ZNF24: variants seen among roughly 807,000 people sequenced by gnomAD.
ZNF24 encodes the protein zinc finger protein 24.
In ZNF24, 11 loss-of-function variants were observed where a neutral mutation model predicts 40.9. The ratio of observed to expected loss-of-function variants is 0.27; its 90% CI spans 0.17 to 0.45. ZNF24 has a LOEUF of 0.45. Ranked by LOEUF, ZNF24 falls within the 20% of genes least tolerant of loss-of-function variation. ZNF24 has a pLI of 1.00. For synonymous variants in ZNF24, 139 were observed against 154.7 expected, an observed-to-expected ratio of 0.90 and a Z score of 0.75; for missense variants, 293 against 437.7, an observed-to-expected ratio of 0.67 and a Z score of 2.95.
At position 35,340,119 on chromosome 18, in the gene ZNF24, G is replaced by A. The variant is rs181222682; in HGVS notation, c.420+112C>T. The A allele has an allele frequency of 6.7e-7, 1 of 1,496,458 alleles. No individual in the cohort carries two copies. The highest frequency in any genetic ancestry group is 2.3e-5 in the East Asian group (1 of 43,856). 92.7% of individuals were successfully genotyped at this position (1,496,458 alleles called of 1,614,324 possible). A position where few individuals can be genotyped will look rare whatever the true frequency, so the allele number is the denominator to read the frequency against. On this transcript the variant is annotated intron_variant, in intron 2 of 3. Transcript: ENST00000261332. The surrounding 1 kb of genome is among the most constrained non-coding windows in gnomAD (Gnocchi z 4.6). ...GATAACAAGGAGTGGTAGGGGAATG[G>A]GGGAAAAGGCATAAACATAATTCTA...
Position 35,333,671 on chromosome 18 carries a change from C to T in ZNF24, c.*3561G>A, listed in dbSNP as rs1479403529. On this transcript the variant is annotated 3_prime_UTR_variant, in exon 4 of 4. Transcript: ENST00000261332. ...GACTATAGGCAAACAGGCATTCTTACTAATGATGGAGTTGTAAATTGGTGA... is the reference window on the plus strand; with the variant it reads ...GACTATAGGCAAACAGGCATTCTTATTAATGATGGAGTTGTAAATTGGTGA... 1 of 152,114 alleles carries T rather than the reference C, an allele frequency of 6.6e-6. No individual in the cohort carries two copies. Among genetic ancestry groups the T allele is most frequent in the East Asian group, 1.9e-4 (1 of 5,196 alleles). 9.4% of individuals were successfully genotyped at this position (152,114 alleles called of 1,614,324 possible).
intron 3 of ZNF24, 90 bp from the exon 4 acceptor site, chr18:35,337,860 G>T: frequency 9.0e-7 from 1 of 1,117,246 alleles, no homozygotes; most frequent in Non-Finnish European, 1.2e-6. Flanking sequence ...AACTAAAATA[G>T]CTAGCACACA....
intron 1 of ZNF24, among the ~76,000 whole-genome samples, chr18:35,341,325 C>A (rs1260766859): frequency 6.6e-6 from 1 of 152,172 alleles, no homozygotes; most frequent in African/African-American, 2.4e-5. Context: ...ATACATTACT[C>A]ACATGTTTGT....
chr18:35,343,245 G>A lies in ZNF24; in HGVS notation c.-84+1115C>T, dbSNP rs368273735. On this transcript the variant is annotated intron_variant, in intron 1 of 3. Transcript: ENST00000261332. The stretch of plus-strand genomic sequence containing the variant: ...TATTCAGTCTTCCACCACACCATAC[G>A]TACATTTATATTTATAATGATAGGC... Among the ~76,000 whole-genome samples, 9 of 152,110 alleles carry A rather than the reference G, an allele frequency of 5.9e-5. 1 individual carries two copies. The highest frequency in any genetic ancestry group is 1.5e-5 in the Non-Finnish European group (1 of 68,006).
rs1006066712 is a variant in ZNF24 at position 35,332,965 on chromosome 18, T to A, written c.*4267A>T. On this transcript the variant is annotated 3_prime_UTR_variant, in exon 4 of 4. Transcript: ENST00000261332. ...AAAAGGTTCTTTTTCGCCCAACAGA[T>A]AAAAACTATCAAGTGTAGGTATGGT... is the stretch of plus-strand genomic sequence containing the variant. 1 of 152,050 alleles carries A rather than the reference T, an allele frequency of 6.6e-6. No individual in the cohort carries two copies. Among genetic ancestry groups the A allele is most frequent in the African/African-American group, 2.4e-5 (1 of 41,394 alleles). 9.4% of individuals were successfully genotyped at this position (152,050 alleles called of 1,614,324 possible). A position where few individuals can be genotyped will look rare whatever the true frequency, so the allele number is the denominator to read the frequency against.
rs537537674 is a variant in ZNF24, at chr18:35,333,332, G to A, written c.*3900C>T. 1.6e-4 allele frequency: 24 copies of A among 152,248 alleles called. No homozygotes were observed. In the South Asian group the frequency reaches 5.0e-3, roughly 32 times the overall value. The allele number at this position is 152,248 out of a possible 1,614,324, so 9.4% of individuals were successfully genotyped here. On this transcript the variant is annotated 3_prime_UTR_variant, in exon 4 of 4. Coordinates refer to ENST00000261332, the MANE Select transcript of ZNF24 (RefSeq NM_006965.4). ...ATATGAGATCCTATTTATGTAAAAA[G>A]TGTTTTTATGTGTATGTATATTCGT...
chr18:35,342,231 T>A (rs752226634), intron 1 of ZNF24, among the ~76,000 whole-genome samples: 17 of 151,462 alleles, frequency 1.1e-4, no homozygotes, highest in Non-Finnish European at 2.1e-4. Context: ...AGAATAAGGA[T>A]ATAAATATAT....
In ZNF24 at chr18:35,336,602, A is replaced by C. The variant is rs1349020102; in HGVS notation, c.*630T>G. 6.6e-6 allele frequency: 1 copy of C among 152,182 alleles called. No homozygotes were observed. The highest frequency in any genetic ancestry group is 2.4e-5 in the African/African-American group (1 of 41,444). 9.4% of individuals were successfully genotyped at this position (152,182 alleles called of 1,614,324 possible). Reference sequence around the variant, plus strand: ...CAGGCAAAATATAAATTCTTGATACATTTCAATTCTTAGATCAAAGTATTT... The same window carrying C: ...CAGGCAAAATATAAATTCTTGATACCTTTCAATTCTTAGATCAAAGTATTT... On this transcript the variant is annotated 3_prime_UTR_variant, in exon 4 of 4. Coordinates refer to ENST00000261332, the MANE Select transcript of ZNF24 (RefSeq NM_006965.4).
chr18:35,339,046 C>T (rs923220069), intron 3 of ZNF24: 1 of 1,536,038 alleles, frequency 6.5e-7, no homozygotes. Flanking sequence ...ATACCAGCAC[C>T]ATCTCCAACT....
In ZNF24 at chr18:35,337,104, C is replaced by G; in HGVS notation, c.*128G>C. On this transcript the variant is annotated 3_prime_UTR_variant, in exon 4 of 4. Coordinates refer to ENST00000261332, the MANE Select transcript of ZNF24 (RefSeq NM_006965.4). Reference sequence around the variant, plus strand: ...TCATAATGGTGAGTGAAGATTTTTACATTTCCCAGTGGATTTTCTGACAGT... The same window carrying G: ...TCATAATGGTGAGTGAAGATTTTTAGATTTCCCAGTGGATTTTCTGACAGT... 1 of 738,014 alleles carries G rather than the reference C, an allele frequency of 1.4e-6. No individual in the cohort carries two copies. Among genetic ancestry groups the G allele is most frequent in the Non-Finnish European group, 2.0e-6 (1 of 511,066 alleles). 45.7% of individuals were successfully genotyped at this position (738,014 alleles called of 1,614,324 possible). A position where few individuals can be genotyped will look rare whatever the true frequency, so the allele number is the denominator to read the frequency against.
At chr18:35,338,614 G>A (rs1363403294) in intron 3 of ZNF24, 11 of 993,872 alleles carry the variant, frequency 1.1e-5, no homozygotes, top group Middle Eastern at 5.1e-4. Flanking sequence ...TGCCTTCAGC[G>A]AAGAGGAAAA....
chr18:35,337,498 A>T lies in ZNF24; in HGVS notation c.841T>A (p.Cys281Ser). 6.2e-7 allele frequency: 1 copy of T among 1,614,098 alleles called. No individual in the cohort carries two copies. ...RIHSGEKPYGCVECGKAFSRS... is the reference protein window; with the variant it reads ...RIHSGEKPYGSVECGKAFSRS... ...CTGAATGCTTTCCCACACTCAACAC[A>T]TCCATAAGGTTTCTCCCCACTGTGA... Residue 281 changes from cysteine to serine, a missense_variant, in exon 4 of 4, where the codon TGT (cysteine) becomes AGT (serine). Around this residue, in one of 2 missense-constraint regions of ZNF24, gnomAD observed 59 missense variants for 138.6 expected, o/e 0.43. Coordinates refer to ENST00000261332, the MANE Select transcript of ZNF24 (RefSeq NM_006965.4).
intron 1 of ZNF24, among the ~76,000 whole-genome samples, chr18:35,341,582 A>T (rs191571033): frequency 8.5e-5 from 13 of 152,368 alleles, no homozygotes; most frequent in African/African-American, 3.1e-4. Context: ...TGGAGATGAC[A>T]GCTCCATGTA....
chr18:35,338,844 T>A, intron 3 of ZNF24: 1 of 1,340,284 alleles, frequency 7.5e-7, no homozygotes, highest in Non-Finnish European at 9.5e-7. Flanking sequence ...AAAATTCAGA[T>A]GATGAGAAGT....
At position 35,337,701 on chromosome 18, in the gene ZNF24, T is replaced by C. The variant is rs745636628; in HGVS notation, c.638A>G (p.His213Arg). Residue 213 changes from histidine (H) to arginine (R), a missense_variant, in exon 4 of 4, where the codon CAT becomes CGT. Physicochemically the swap from His to Arg is conservative, Grantham distance 29 (BLOSUM62 0). Around this residue, in one of 2 missense-constraint regions of ZNF24, gnomAD observed 234 missense variants for 299.2 expected, o/e 0.78. Coordinates refer to ENST00000261332, the MANE Select transcript of ZNF24 (RefSeq NM_006965.4). ...CATATTGAGAGTGCCAGGAACTTCATGGGATTCTAATGCTGAAGGAAGCTC... is the reference window on the plus strand; with the variant it reads ...CATATTGAGAGTGCCAGGAACTTCACGGGATTCTAATGCTGAAGGAAGCTC... ...KQELPSALES[H>R]EVPGTLNMGV... 2 of 1,612,758 alleles carry C rather than the reference T, an allele frequency of 1.2e-6. No individual in the cohort carries two copies. The highest frequency in any genetic ancestry group is 1.7e-6 in the Non-Finnish European group (2 of 1,179,840).
intron 3 of ZNF24, among the ~76,000 whole-genome samples, chr18:35,339,520 G>A (rs185134241): frequency 8.9e-4 from 135 of 152,328 alleles, no homozygotes; most frequent in Non-Finnish European, 1.2e-3. Context: ...TAAAACAGAT[G>A]ACAAGTAATA....
chr18:35,340,390 T>A lies in ZNF24; in HGVS notation c.261A>T (p.Thr87=). 1.9e-6 allele frequency: 3 copies of A among 1,614,216 alleles called. No individual in the cohort carries two copies. Among genetic ancestry groups the A allele is most frequent in the Non-Finnish European group, 2.5e-6 (3 of 1,180,030 alleles). The part of the protein sequence containing the change: ...CRLWLRPETH[T]KEQILELVVL... ...CTACCAGCTCCAAGATTTGTTCTTTTGTGTGCGTCTCTGGCCTGAGCCACA... is the reference window on the plus strand; with the variant it reads ...CTACCAGCTCCAAGATTTGTTCTTTAGTGTGCGTCTCTGGCCTGAGCCACA... Residue 87 remains threonine, a synonymous_variant, in exon 2 of 4, where the codon ACA becomes ACT. Coordinates refer to ENST00000261332, the MANE Select transcript of ZNF24 (RefSeq NM_006965.4). The surrounding 1 kb of genome is among the most constrained non-coding windows in gnomAD (Gnocchi z 4.6).
intron 1 of ZNF24, chr18:35,343,972 C>T (rs2044992969): frequency 3.3e-5 from 5 of 152,504 alleles, no homozygotes; most frequent in Admixed American, 3.3e-4. Flanking sequence ...ACGGCACTTC[C>T]GCCTGCGGCC....
Position 35,336,697 on chromosome 18 carries a change from A to C in ZNF24, c.*535T>G, listed in dbSNP as rs2044914070. Reference sequence around the variant, plus strand: ...TTATCACCATCACTTCTTATCTGAGATCTTATGGTTCATTTTGAGGCTCTT... The same window carrying C: ...TTATCACCATCACTTCTTATCTGAGCTCTTATGGTTCATTTTGAGGCTCTT... On this transcript the variant is annotated 3_prime_UTR_variant, in exon 4 of 4. Transcript: ENST00000261332. The C allele has an allele frequency of 6.6e-6, 1 of 152,120 alleles. No individual in the cohort carries two copies. The highest frequency in any genetic ancestry group is 2.4e-5 in the African/African-American group (1 of 41,428). The allele number at this position is 152,120 out of a possible 1,614,324, so 9.4% of individuals were successfully genotyped here.
Sources: allele counts gnomAD v4.1 joint callset (sites outside exome capture counted in the v4.1 genomes callset), GRCh38; gene constraint gnomAD v4.1.1; regional missense constraint gnomAD v4.1.1; non-coding constraint Gnocchi (gnomAD v3.1); transcripts MANE v1.5; gene names NCBI Gene and HGNC (gene_info 2026-07-23, HGNC 2026-07-21).